UBE2G1: variants seen among roughly 807,000 people sequenced by gnomAD.
UBE2G1 encodes ubiquitin conjugating enzyme E2 G1.
UBE2G1 carries 5 observed loss-of-function variants against 22.7 expected under a neutral mutation model. The ratio of observed to expected loss-of-function variants is 0.22; its 90% CI spans 0.12 to 0.46. The LOEUF is 0.46. UBE2G1 is among the 20% of genes least tolerant of loss of function. The probability of loss-of-function intolerance (pLI) is 0.99; values close to 1 mark genes in which losing one functional copy is unlikely to be tolerated. For synonymous variants in UBE2G1, 74 were observed against 67.5 expected, an observed-to-expected ratio of 1.10 and a Z score of -0.47; for missense variants, 88 against 203.9, an observed-to-expected ratio of 0.43 and a Z score of 3.46.
At chr17:4,337,171 C>G (rs936592699) in intron 1 of UBE2G1, among the ~76,000 whole-genome samples, 1 of 151,850 alleles carries the variant, frequency 6.6e-6, no homozygotes, top group Non-Finnish European at 1.5e-5. Flanking sequence ...CTGGGCCTAG[C>G]GGCTCACACA....
chr17:4,287,335 C>T (rs978902430), intron 4 of UBE2G1, among the ~76,000 whole-genome samples: 1 of 151,560 alleles, frequency 6.6e-6, no homozygotes, highest in South Asian at 2.1e-4. Context: ...AACTCCTGAC[C>T]TTGTGATCTG....
intron 1 of UBE2G1, among the ~76,000 whole-genome samples, chr17:4,330,132 C>T (rs1251116810): frequency 6.6e-6 from 1 of 152,008 alleles, no homozygotes; most frequent in African/African-American, 2.4e-5. Context: ...CGAAGTTTTA[C>T]ATGTATGAAG....
chr17:4,350,483 C>A (rs1034732143), intron 1 of UBE2G1, among the ~76,000 whole-genome samples: 9 of 151,886 alleles, frequency 5.9e-5, no homozygotes, highest in African/African-American at 1.9e-4. Flanking sequence ...AGAACACTGT[C>A]AAGGCAGTTA....
intron 1 of UBE2G1, among the ~76,000 whole-genome samples, chr17:4,328,978 C>T (rs193164219): frequency 2.3e-4 from 35 of 151,672 alleles, no homozygotes; most frequent in African/African-American, 7.5e-4. Context: ...TGGTGGCGGA[C>T]GCCTGTAGTC....
chr17:4,293,994 C>T (rs1354197811), intron 3 of UBE2G1, among the ~76,000 whole-genome samples: 1 of 152,206 alleles, frequency 6.6e-6, no homozygotes, highest in African/African-American at 2.4e-5. Context: ...AAACCTATTA[C>T]ATAGCTTTTT....
At chr17:4,308,310 G>T (rs533347931) in intron 1 of UBE2G1, among the ~76,000 whole-genome samples, 1 of 152,146 alleles carries the variant, frequency 6.6e-6, no homozygotes, top group African/African-American at 2.4e-5. Flanking sequence ...CCAAGATCGC[G>T]CCATTGCACT....
intron 1 of UBE2G1, chr17:4,335,226 T>C (rs1477442059): frequency 2.0e-5 from 3 of 152,154 alleles, no homozygotes; most frequent in Non-Finnish European, 4.4e-5. Context: ...CAGGAAAATG[T>C]AAGAGAATCA....
At chr17:4,289,482 G>T in intron 3 of UBE2G1, 74 bp from the exon 4 acceptor site, 1 of 1,414,768 alleles carries the variant, frequency 7.1e-7, no homozygotes, top group Non-Finnish European at 9.4e-7. Context: ...TTACAAATGT[G>T]ATCCTGATTC....
chr17:4,346,227 G>C (rs1969769501), intron 1 of UBE2G1, among the ~76,000 whole-genome samples: 2 of 152,022 alleles, frequency 1.3e-5, no homozygotes, highest in African/African-American at 4.8e-5. Context: ...CAATAACCAT[G>C]AATGCCTCAC....
chr17:4,306,448 TA>T (rs1969249792), intron 2 of UBE2G1, among the ~76,000 whole-genome samples: 1 of 151,792 alleles, frequency 6.6e-6, no homozygotes, highest in African/African-American at 2.4e-5. Context: ...CTCAGCCTCC[TA>T]AAGTGCTGGG....
In UBE2G1 at chr17:4,328,766, G is replaced by A. The variant is rs555806041; in HGVS notation, c.47-21643C>T. On this transcript the variant is annotated intron_variant, in intron 1 of 5. Transcript: ENST00000396981. ...ATTAGGAAATTATTGACTGCCACTT[G>A]ATGGGCTTCTGTGCTGCACTAACAA... Among the ~76,000 whole-genome samples, 313 of 152,314 alleles carry A rather than the reference G, an allele frequency of 2.1e-3. 3 individuals are homozygous for A. The highest frequency in any genetic ancestry group is 7.3e-3 in the African/African-American group (303 of 41,578).
intron 1 of UBE2G1, among the ~76,000 whole-genome samples, chr17:4,311,726 A>C (rs953169185): frequency 6.6e-6 from 1 of 152,212 alleles, no homozygotes; most frequent in African/African-American, 2.4e-5. Context: ...TGGCTGCACA[A>C]CATCGTGAAT....
At chr17:4,311,974 C>T (rs1329487846) in intron 1 of UBE2G1, among the ~76,000 whole-genome samples, 3 of 152,038 alleles carry the variant, frequency 2.0e-5, no homozygotes, top group Non-Finnish European at 4.4e-5. Flanking sequence ...CTACTGGGCA[C>T]GGTGGCTCCC....
At chr17:4,351,030 CAAAAAA>C (rs796508050) in intron 1 of UBE2G1, among the ~76,000 whole-genome samples, 23 of 109,936 alleles carry the variant, frequency 2.1e-4, no homozygotes, top group Admixed American at 5.8e-4. Flanking sequence ...AAGACTTCGT[CAAAAAA>C]AAAAAAAAAA....
chr17:4,339,807 C>G (rs1442940730), intron 1 of UBE2G1, among the ~76,000 whole-genome samples: 1 of 152,022 alleles, frequency 6.6e-6, no homozygotes, highest in African/African-American at 2.4e-5. Flanking sequence ...CGAGATCATG[C>G]CATTGCGCTC....
chr17:4,364,014 C>T (rs915944436), intron 1 of UBE2G1: 5 of 147,336 alleles, frequency 3.4e-5, no homozygotes, highest in African/African-American at 5.1e-5. Flanking sequence ...CCTGTAATCC[C>T]AATACTTTGG....
chr17:4,289,527 G>A, intron 3 of UBE2G1, 119 bp from the exon 4 acceptor site: 1 of 1,117,992 alleles, frequency 8.9e-7, no homozygotes, highest in Non-Finnish European at 1.2e-6. Context: ...CACATACGCA[G>A]AAGTTAATGT....
chr17:4,328,827 C>G (rs1237731480), intron 1 of UBE2G1, among the ~76,000 whole-genome samples: 2 of 152,218 alleles, frequency 1.3e-5, no homozygotes, highest in Non-Finnish European at 2.9e-5. Flanking sequence ...TGGCTCACGC[C>G]TGTAATCCCC....
chr17:4,285,546 G>A (rs1023350863), intron 4 of UBE2G1, among the ~76,000 whole-genome samples: 14 of 152,094 alleles, frequency 9.2e-5, no homozygotes, highest in Non-Finnish European at 2.1e-4. Context: ...AATCAACCAA[G>A]AAGAAAAAGA....
Sources: gnomAD v4.1 joint callset for allele counts (sites outside exome capture counted in the v4.1 genomes callset) on GRCh38, gnomAD v4.1.1 for gene constraint, MANE v1.5 for transcripts, NCBI Gene and HGNC (gene_info 2026-07-23, HGNC 2026-07-21) for gene names.